The following TTC29 variants were observed in gnomAD, a reference collection of about 807,000 sequenced individuals.
TTC29 encodes tetratricopeptide repeat domain 29.
A neutral mutation model predicts 58.1 loss-of-function variants in TTC29; 49 were observed. That is an observed-to-expected ratio of 0.84 (90% CI 0.67 to 1.07). The LOEUF (loss-of-function observed/expected upper bound fraction) is 1.07, where lower values mean the gene tolerates loss of function less well. Ranked by LOEUF, TTC29 falls within the 50% of genes least tolerant of loss-of-function variation. The pLI is 0.00. For missense variants in TTC29, 582 were observed against 555.6 expected (o/e 1.05, Z -0.48); for synonymous variants, 209 against 196.8 (o/e 1.06, Z -0.52).
At chr4:146,809,339 T>C (rs189708107) in intron 10 of TTC29, among the ~76,000 whole-genome samples, 6 of 150,186 alleles carry the variant, frequency 4.0e-5, no homozygotes, top group African/African-American at 1.5e-4. Flanking sequence ...AAAGACTTCA[T>C]GACTAAAGCA....
At chr4:146,849,860 T>G (rs942159087) in intron 8 of TTC29, among the ~76,000 whole-genome samples, 1 of 152,146 alleles carries the variant, frequency 6.6e-6, no homozygotes, top group Admixed American at 6.6e-5. Flanking sequence ...AGTATCTGCA[T>G]GGCCCACTCT....
chr4:146,730,475 A>C (rs1236080876), intron 11 of TTC29, among the ~76,000 whole-genome samples: 1 of 152,194 alleles, frequency 6.6e-6, no homozygotes, highest in East Asian at 1.9e-4. Flanking sequence ...TAAGGTCATG[A>C]AATTGGATAT....
At chr4:146,864,525 A>C (rs1730444758) in intron 8 of TTC29, among the ~76,000 whole-genome samples, 1 of 152,212 alleles carries the variant, frequency 6.6e-6, no homozygotes, top group Admixed American at 6.5e-5. Context: ...CTGACATAAA[A>C]ATTACCACAA....
intron 11 of TTC29, among the ~76,000 whole-genome samples, chr4:146,756,190 G>A (rs1346765973): frequency 6.6e-6 from 1 of 151,072 alleles, no homozygotes; most frequent in Non-Finnish European, 1.5e-5. Flanking sequence ...GGAAAATGGT[G>A]TGAACTCGGG....
At chr4:146,819,249 T>A (rs1223767826) in intron 10 of TTC29, among the ~76,000 whole-genome samples, 1 of 152,140 alleles carries the variant, frequency 6.6e-6, no homozygotes, top group Non-Finnish European at 1.5e-5. Context: ...ACCTAGAAAT[T>A]TAAGTAACTG....
intron 4 of TTC29, among the ~76,000 whole-genome samples, chr4:146,924,956 C>A (rs1021369836): frequency 6.6e-6 from 1 of 151,782 alleles, no homozygotes; most frequent in Non-Finnish European, 1.5e-5. Flanking sequence ...CTTGTGATTT[C>A]TTCTTTGATT....
At chr4:146,741,131 T>C (rs59442439) in intron 11 of TTC29, among the ~76,000 whole-genome samples, 4,248 of 152,258 alleles carry the variant, frequency 0.028, 136 homozygotes, top group African/African-American at 0.077. Context: ...AATAGAAGAA[T>C]CTTTGTTTTG....
At chr4:146,846,316 G>T (rs1259933233) in intron 8 of TTC29, among the ~76,000 whole-genome samples, 3 of 152,138 alleles carry the variant, frequency 2.0e-5, no homozygotes, top group African/African-American at 7.2e-5. Context: ...ACAAATAAAA[G>T]TTTCCCCCAT....
rs748703837 is a variant in TTC29, at chr4:146,809,047, CA to C, written c.1102-5363del. Reference sequence around the variant, plus strand: ...CTGGTACCAAAACAGAGATATAGATCAATGGAAAAGAACAGAGTCTTCAGAA... The same window carrying C: ...CTGGTACCAAAACAGAGATATAGATCATGGAAAAGAACAGAGTCTTCAGAA... On this transcript the variant is annotated intron_variant, in intron 10 of 12. Coordinates refer to ENST00000325106, the MANE Select transcript of TTC29 (RefSeq NM_031956.4). 4.8e-5 allele frequency among the ~76,000 whole-genome samples: 7 copies of C among 146,186 alleles called. 1 individual carries two copies. The highest frequency in any genetic ancestry group is 1.1e-4 in the Non-Finnish European group (7 of 66,482).
chr4:146,863,453 A>G (rs1730374603), intron 8 of TTC29, among the ~76,000 whole-genome samples: 2 of 152,152 alleles, frequency 1.3e-5, no homozygotes, highest in African/African-American at 4.8e-5. Flanking sequence ...AAAACATACA[A>G]ATTTATAGAA....
chr4:146,737,590 TG>T (rs56346604), intron 11 of TTC29, among the ~76,000 whole-genome samples: 30,961 of 93,940 alleles, frequency 0.33, 4,513 homozygotes, highest in Middle Eastern at 0.42. Context: ...CTAGTAGCCC[TG>T]GGGGGGGGGG....
At chr4:146,876,463 T>C (rs1731262159) in intron 6 of TTC29, among the ~76,000 whole-genome samples, 1 of 152,200 alleles carries the variant, frequency 6.6e-6, no homozygotes, top group Non-Finnish European at 1.5e-5. Context: ...CTCAAATGAA[T>C]TTCATTGAAT....
At chr4:146,912,183 T>C (rs1184883365) in intron 4 of TTC29, among the ~76,000 whole-genome samples, 1 of 152,146 alleles carries the variant, frequency 6.6e-6, no homozygotes, top group African/African-American at 2.4e-5. Context: ...TTCAAAGCCA[T>C]CCTGGGCCGC....
chr4:146,827,013 G>A (rs919327747), intron 9 of TTC29, among the ~76,000 whole-genome samples: 12 of 151,718 alleles, frequency 7.9e-5, no homozygotes, highest in Admixed American at 2.0e-4. Flanking sequence ...ACCTTTTATC[G>A]AGGTTCTTAG....
intron 6 of TTC29, among the ~76,000 whole-genome samples, chr4:146,894,671 A>G (rs931589127): frequency 7.1e-6 from 1 of 139,874 alleles, no homozygotes; most frequent in Admixed American, 7.4e-5. Context: ...CCTAAAACTT[A>G]AAGTATAATA....
At chr4:146,768,445 G>A (rs181063705) in intron 11 of TTC29, among the ~76,000 whole-genome samples, 24 of 152,104 alleles carry the variant, frequency 1.6e-4, no homozygotes, top group Admixed American at 7.9e-4. Flanking sequence ...AGTCAAAACC[G>A]AAGTTGCTCA....
chr4:146,806,190 A>AT (rs1446158975), intron 10 of TTC29, among the ~76,000 whole-genome samples: 3 of 152,212 alleles, frequency 2.0e-5, no homozygotes, highest in Non-Finnish European at 4.4e-5. Flanking sequence ...ATGCTGAGAG[A>AT]TTTTGTCACC....
chr4:146,876,728 A>G (rs529335015), intron 6 of TTC29, among the ~76,000 whole-genome samples: 39 of 152,226 alleles, frequency 2.6e-4, no homozygotes, highest in Non-Finnish European at 5.1e-4. Context: ...CGAGGTCAGG[A>G]GTTCAAGACC....
At chr4:146,715,999 T>C (rs1179129245) in intron 11 of TTC29, among the ~76,000 whole-genome samples, 1 of 152,180 alleles carries the variant, frequency 6.6e-6, no homozygotes, top group African/African-American at 2.4e-5. Flanking sequence ...AGATATACAC[T>C]GATCATTATT....
Sources: gnomAD v4.1 joint callset for allele counts (sites outside exome capture counted in the v4.1 genomes callset) on GRCh38, gnomAD v4.1.1 for gene constraint, MANE v1.5 for transcripts, NCBI Gene and HGNC (gene_info 2026-07-23, HGNC 2026-07-21) for gene names.